The following EFCAB11 variants were observed in gnomAD, a reference collection of about 807,000 sequenced individuals.
EFCAB11 encodes the protein EF-hand calcium-binding domain-containing protein 11.
In EFCAB11, 14 loss-of-function variants were observed where a neutral mutation model predicts 23.0. The ratio of observed to expected loss-of-function variants is 0.61; its 90% confidence interval spans 0.40 to 0.95. The LOEUF is 0.95. EFCAB11 is among the 40% of genes least tolerant of loss of function. The probability of loss-of-function intolerance (pLI) is 0.00; values close to 1 mark genes in which losing one functional copy is unlikely to be tolerated. For synonymous variants in EFCAB11, 65 were observed against 66.6 expected (o/e 0.98, Z 0.11); for missense variants, 198 against 195.8 (o/e 1.01, Z -0.07).
chr14:89,854,997 G>C (rs113099508), intron 5 of EFCAB11, among the ~76,000 whole-genome samples: 4,795 of 152,092 alleles, frequency 0.032, 109 homozygotes, highest in South Asian at 0.1. Flanking sequence ...ATCTAAATAC[G>C]ATGTTCAATT....
At chr14:89,949,929 G>A (rs975054885) in intron 3 of EFCAB11, among the ~76,000 whole-genome samples, 168 bp downstream of exon 3, 9 of 151,998 alleles carry the variant, frequency 5.9e-5, no homozygotes, top group Admixed American at 1.3e-4. Context: ...GACTTATCCA[G>A]TATCATGAGA....
chr14:89,916,424 A>G (rs535291744), intron 5 of EFCAB11, among the ~76,000 whole-genome samples: 5 of 152,340 alleles, frequency 3.3e-5, no homozygotes, highest in Non-Finnish European at 7.4e-5. Flanking sequence ...AACTACTGTG[A>G]CAATTTTGTG....
At chr14:89,821,989 CAT>C (rs1247794087) in intron 5 of EFCAB11, among the ~76,000 whole-genome samples, 1 of 152,184 alleles carries the variant, frequency 6.6e-6, no homozygotes, top group Non-Finnish European at 1.5e-5. Flanking sequence ...AAACATTACA[CAT>C]GACATTTCCC....
chr14:89,910,505 T>C (rs1889643302), intron 5 of EFCAB11, among the ~76,000 whole-genome samples: 1 of 152,048 alleles, frequency 6.6e-6, no homozygotes, highest in Non-Finnish European at 1.5e-5. Context: ...GGTTGAGGCA[T>C]GAGAATCACT....
rs79298720 is a variant in EFCAB11 at position 89,876,865 on chromosome 14, C to T, written c.410+54676G>A. On this transcript the variant is annotated intron_variant, in intron 5 of 5. Coordinates refer to ENST00000316738, the MANE Select transcript of EFCAB11 (RefSeq NM_145231.4). Reference sequence around the variant, plus strand: ...AACACTGAATGAAGAAGCTCTACAACGGCTGTAGGACCAGATCTTCATGAA... The same window carrying T: ...AACACTGAATGAAGAAGCTCTACAATGGCTGTAGGACCAGATCTTCATGAA... 2.6e-3 allele frequency among the ~76,000 whole-genome samples: 403 copies of T among 152,274 alleles called. 1 individual carries two copies. Among genetic ancestry groups the T allele is most frequent in the East Asian group, 0.014 (72 of 5,168 alleles).
chr14:89,909,074 G>C (rs1889581046), intron 5 of EFCAB11, among the ~76,000 whole-genome samples: 2 of 152,204 alleles, frequency 1.3e-5, no homozygotes, highest in East Asian at 3.8e-4. Flanking sequence ...CACAGTCCTG[G>C]CCTTTAAGAC....
chr14:89,852,236 T>C (rs530788624), intron 5 of EFCAB11, among the ~76,000 whole-genome samples: 1 of 152,350 alleles, frequency 6.6e-6, no homozygotes, highest in East Asian at 1.9e-4. Flanking sequence ...ATACTCTTAT[T>C]TGAAGCAATC....
At chr14:89,886,391 G>A (rs529642884) in intron 5 of EFCAB11, among the ~76,000 whole-genome samples, 7 of 151,904 alleles carry the variant, frequency 4.6e-5, no homozygotes, top group Non-Finnish European at 1.0e-4. Context: ...GGTGGCGGGT[G>A]CCTGTAGTCC....
chr14:89,949,896 T>C (rs1028823719), intron 3 of EFCAB11, among the ~76,000 whole-genome samples: 3 of 151,904 alleles, frequency 2.0e-5, no homozygotes, highest in African/African-American at 4.8e-5. Flanking sequence ...AGCCCCCCCT[T>C]ATAAAGCCAT....
At chr14:89,923,655 G>T in intron 5 of EFCAB11, 1 of 982,348 alleles carries the variant, frequency 1.0e-6, no homozygotes, top group Non-Finnish European at 1.2e-6. Flanking sequence ...TTCTATACCT[G>T]GAAGCAGGCA....
chr14:89,810,755 C>CA (rs374599977), intron 5 of EFCAB11, among the ~76,000 whole-genome samples: 78,132 of 113,790 alleles, frequency 0.69, 26,267 homozygotes, highest in Middle Eastern at 0.82. Context: ...GACTCCGTCT[C>CA]AAAAAAAAAA....
At chr14:89,810,862 G>A (rs991441020) in intron 5 of EFCAB11, among the ~76,000 whole-genome samples, 3 of 152,064 alleles carry the variant, frequency 2.0e-5, no homozygotes, top group African/African-American at 7.2e-5. Context: ...GAAGATAAAT[G>A]GGTGAGCAGA....
intron 5 of EFCAB11, among the ~76,000 whole-genome samples, chr14:89,824,359 C>A (rs190251127): frequency 4.5e-4 from 68 of 151,898 alleles, no homozygotes; most frequent in African/African-American, 1.4e-3. Context: ...TTGTGGCCAG[C>A]AGACATTAAA....
chr14:89,932,462 T>C (rs1890422534), intron 4 of EFCAB11, 64 bp downstream of exon 4: 1 of 1,238,352 alleles, frequency 8.1e-7, no homozygotes, highest in Admixed American at 1.9e-5. Flanking sequence ...ACTGGGTATA[T>C]AATCCTATTT....
chr14:89,887,186 T>C (rs979055696), intron 5 of EFCAB11, among the ~76,000 whole-genome samples: 3 of 152,284 alleles, frequency 2.0e-5, no homozygotes, highest in Non-Finnish European at 4.4e-5. Context: ...AACAAAAATC[T>C]TCCCTGAGAT....
At chr14:89,799,712 T>G (rs1438592412) in intron 5 of EFCAB11, among the ~76,000 whole-genome samples, 2 of 151,702 alleles carry the variant, frequency 1.3e-5, no homozygotes, top group African/African-American at 4.8e-5. Flanking sequence ...GACCTTTGTC[T>G]TCTTTGCTGC....
intron 5 of EFCAB11, among the ~76,000 whole-genome samples, chr14:89,847,176 T>A (rs1416307501): frequency 2.0e-5 from 3 of 152,188 alleles, no homozygotes; most frequent in Non-Finnish European, 4.4e-5. Context: ...TATTGCCAAA[T>A]CCAAATAACC....
intron 5 of EFCAB11, among the ~76,000 whole-genome samples, chr14:89,840,619 C>T (rs754825086): frequency 7.2e-5 from 11 of 152,192 alleles, no homozygotes; most frequent in Non-Finnish European, 2.9e-5. Flanking sequence ...ACCCATTCAT[C>T]TGCTTTTTTT....
Position 89,835,585 on chromosome 14 carries a change from CGTGTGTGTGTGTGTGTGTGTGTGTGT to C in EFCAB11, c.411-38287_411-38262del, listed in dbSNP as rs67831579. Among the ~76,000 whole-genome samples the C allele has an allele frequency of 2.5e-3, 234 of 93,396 alleles. 1 individual carries two copies. The highest frequency in any genetic ancestry group is 7.0e-3 in the African/African-American group (153 of 21,852). The allele number at this position is 93,396 out of a possible 152,430, so 61.3% of individuals were successfully genotyped here. A position where few individuals can be genotyped will look rare whatever the true frequency, so the allele number is the denominator to read the frequency against. ...TGGATTTCAGATTAGGGATGCTCAA[CGTGTGTGTGTGTGTGTGTGTGTGTGT>C]GTGTGTGTGTGTGTGTGTGTGTGTG... On this transcript the variant is annotated intron_variant, in intron 5 of 5. Coordinates refer to ENST00000316738, the MANE Select transcript of EFCAB11 (RefSeq NM_145231.4).
Sources: gnomAD v4.1 joint callset for allele counts (sites outside exome capture counted in the v4.1 genomes callset) on GRCh38, gnomAD v4.1.1 for gene constraint, MANE v1.5 for transcripts, NCBI Gene and HGNC (gene_info 2026-07-23, HGNC 2026-07-21) for gene names.